The following RAB44 variants were observed in gnomAD, a reference collection of about 807,000 sequenced individuals.
RAB44 encodes the protein RAB44, member RAS oncogene family, also known as ras-related protein Rab-44.
In RAB44, 67 loss-of-function variants were observed where a neutral mutation model predicts 93.3. That is an observed-to-expected ratio of 0.72 (90% confidence interval 0.59 to 0.88). The LOEUF (loss-of-function observed/expected upper bound fraction) is 0.88, where lower values mean the gene tolerates loss of function less well. RAB44 is among the 40% of genes least tolerant of loss of function. RAB44 has a pLI of 0.00. For missense variants in RAB44, 1,064 were observed against 1,261.7 expected, an observed-to-expected ratio of 0.84 and a Z score of 2.37; for synonymous variants, 427 against 520.3, an observed-to-expected ratio of 0.82 and a Z score of 2.44.
intron 1 of RAB44, among the ~76,000 whole-genome samples, chr6:36,702,719 C>T (rs866563827): frequency 3.4e-4 from 51 of 152,200 alleles, no homozygotes; most frequent in African/African-American, 1.0e-3. Context: ...CCTTCTCATC[C>T]CATAGCTTTA....
chr6:36,730,627 G>A (rs1006048153), intron 12 of RAB44, 46 bp from the exon 13 acceptor site: 1 of 1,175,448 alleles, frequency 8.5e-7, no homozygotes, highest in Non-Finnish European at 1.1e-6. Flanking sequence ...TGGCCTTTCA[G>A]TTGTCTCTCC....
rs747107356 is a variant in RAB44, at chr6:36,715,667, G to A, written c.494+14G>A. On this transcript the variant is annotated intron_variant, in intron 4 of 13. Transcript: ENST00000612677. The stretch of plus-strand genomic sequence containing the variant: ...CTTACTTCCCAAGTAAGGCCAGGGC[G>A]GCATGTGCATGGGGAGAGGCTCTGC... The A allele has an allele frequency of 1.0e-5, 16 of 1,535,070 alleles. No homozygotes were observed. The highest frequency in any genetic ancestry group is 9.8e-5 in the East Asian group (4 of 40,902).
rs1762888504 is a variant in RAB44 at position 36,715,340 on chromosome 6, A to G, written c.320-139A>G. The G allele has an allele frequency of 8.0e-6, 6 of 753,544 alleles. No homozygotes were observed. The East Asian group carries it at 1.6e-4, about 20-fold the overall frequency. The allele number at this position is 753,544 out of a possible 1,614,324, so 46.7% of individuals were successfully genotyped here. A position where few individuals can be genotyped will look rare whatever the true frequency, so the allele number is the denominator to read the frequency against. On this transcript the variant is annotated intron_variant, in intron 3 of 13. Coordinates refer to ENST00000612677, the MANE Select transcript of RAB44 (RefSeq NM_001257357.2). ...TAGACTCCTAAGGTTGATATGAGAAATATGTGAATGTAGCCTTGTGTAAAT... is the reference window on the plus strand; with the variant it reads ...TAGACTCCTAAGGTTGATATGAGAAGTATGTGAATGTAGCCTTGTGTAAAT...
chr6:36,718,499 T>C lies in RAB44; in HGVS notation c.739T>C (p.Ser247Pro). The change falls in exon 7 of 14, where the codon TCT (serine) becomes CCT (proline). Residue 247 changes from serine to proline, a missense_variant. Transcript: ENST00000612677. Reference protein sequence around the residue: ...EKQQLQAESDSRGLALTSQMQ... With the variant: ...EKQQLQAESDPRGLALTSQMQ... ...GAATCTACCTACTCCACAGAGCGAC[T>C]CTCGGGGCCTGGCCCTCACCTCCCA... 8.1e-7 allele frequency: 1 copy of C among 1,231,824 alleles called. No individual in the cohort carries two copies. The highest frequency in any genetic ancestry group is 4.1e-5 in the South Asian group (1 of 24,306). 76.3% of individuals were successfully genotyped at this position (1,231,824 alleles called of 1,614,324 possible).
At chr6:36,704,572 G>A (rs1347024410) in intron 2 of RAB44, 130 bp downstream of exon 2, 29 of 794,988 alleles carry the variant, frequency 3.6e-5, no homozygotes, top group Non-Finnish European at 4.8e-5. Flanking sequence ...CTCAGAAAAC[G>A]CTAGGGATGT....
intron 2 of RAB44, among the ~76,000 whole-genome samples, chr6:36,711,679 A>G (rs1762790613): frequency 2.0e-5 from 3 of 152,218 alleles, no homozygotes; most frequent in Non-Finnish European, 2.9e-5. Flanking sequence ...AACTCCTTTA[A>G]GAGACATAGT....
chr6:36,730,994 G>A (rs1298515236), intron 13 of RAB44, among the ~76,000 whole-genome samples: 1 of 151,980 alleles, frequency 6.6e-6, no homozygotes, highest in African/African-American at 2.4e-5. Flanking sequence ...AGGCACTTAG[G>A]CTCTCTGAGC....
rs1763295764 is a variant in RAB44, at chr6:36,728,781, G to A, written c.2878G>A (p.Ala960Thr). The A allele has an allele frequency of 1.9e-6, 3 of 1,550,578 alleles. No individual in the cohort carries two copies. Among genetic ancestry groups the A allele is most frequent in the East Asian group, 4.9e-5 (2 of 40,918 alleles). Reference protein sequence around the residue: ...CEEERQVSVEAGQQLAQELGV... With the variant: ...CEEERQVSVETGQQLAQELGV... ...GGAGGAACGGCAAGTGTCCGTGGAAGCTGGGCAGCAACTGGCCCAGGTAAG... is the reference window on the plus strand; with the variant it reads ...GGAGGAACGGCAAGTGTCCGTGGAAACTGGGCAGCAACTGGCCCAGGTAAG... The change falls in exon 12 of 14, where the codon GCT becomes ACT. Residue 960 changes from alanine to threonine, a missense_variant. Coordinates refer to ENST00000612677, the MANE Select transcript of RAB44 (RefSeq NM_001257357.2).
At chr6:36,708,608 T>A (rs1562054432) in intron 2 of RAB44, among the ~76,000 whole-genome samples, 1 of 152,102 alleles carries the variant, frequency 6.6e-6, no homozygotes, top group African/African-American at 2.4e-5. Context: ...TATTTTGAAA[T>A]AAACATAGAA....
intron 8 of RAB44, 102 bp from the exon 9 acceptor site, chr6:36,721,049 T>G (rs2150336845): frequency 9.0e-7 from 1 of 1,113,594 alleles, no homozygotes; most frequent in Non-Finnish European, 1.1e-6. Context: ...GGAGGAGACC[T>G]GGCCATGGGG....
intron 1 of RAB44, among the ~76,000 whole-genome samples, chr6:36,702,592 C>G (rs1226011220): frequency 1.3e-5 from 2 of 152,238 alleles, no homozygotes; most frequent in Non-Finnish European, 2.9e-5. Flanking sequence ...CCTTACTATT[C>G]TGCCTCGATT....
Position 36,704,338 on chromosome 6 carries a change from C to T in RAB44, c.103C>T (p.Pro35Ser). 1 of 1,536,144 alleles carries T rather than the reference C, an allele frequency of 6.5e-7. No homozygotes were observed. The highest frequency in any genetic ancestry group is 1.2e-5 in the South Asian group (1 of 84,058). Reference sequence around the variant, plus strand: ...TGATGGTGAAGGCGCTGCAGTGGCCCCAGAGCCAGAGTCTTGGTCCTCTCA... The same window carrying T: ...TGATGGTGAAGGCGCTGCAGTGGCCTCAGAGCCAGAGTCTTGGTCCTCTCA... ...PADGEGAAVA[P>S]EPESWSSQAA... Residue 35 changes from proline (P) to serine (S), a missense_variant, in exon 2 of 14, where the codon CCA (proline) becomes TCA (serine). Coordinates refer to ENST00000612677, the MANE Select transcript of RAB44 (RefSeq NM_001257357.2).
At chr6:36,726,341 G>T (rs1257360025) in intron 10 of RAB44, among the ~76,000 whole-genome samples, 23 of 152,168 alleles carry the variant, frequency 1.5e-4, no homozygotes, top group Admixed American at 1.5e-3. Flanking sequence ...CACTTACCGG[G>T]TTCAAGCGAT....
In RAB44 at chr6:36,731,250, TCA is replaced by T. The variant is rs1212141240; in HGVS notation, c.2975+503_2975+504del. On this transcript the variant is annotated intron_variant, in intron 13 of 13. Transcript: ENST00000612677. The surrounding 1 kb of genome is among the most constrained non-coding windows in gnomAD (Gnocchi z 4.0). Reference sequence around the variant, plus strand: ...AGCCACTCAGAGACTCCCTCCCTGATCACCCACCTGCCATCACTATTTTGGAT... The same window carrying T: ...AGCCACTCAGAGACTCCCTCCCTGATCCCACCTGCCATCACTATTTTGGAT... 6.6e-6 allele frequency among the ~76,000 whole-genome samples: 1 copy of T among 151,984 alleles called. No homozygotes were observed. Among genetic ancestry groups the T allele is most frequent in the East Asian group, 1.9e-4 (1 of 5,176 alleles).
chr6:36,717,200 G>GT lies in RAB44; in HGVS notation c.495-72dup. 1 of 1,220,442 alleles carries GT rather than the reference G, an allele frequency of 8.2e-7. No homozygotes were observed. The highest frequency in any genetic ancestry group is 4.2e-5 in the South Asian group (1 of 23,588). 75.6% of individuals were successfully genotyped at this position (1,220,442 alleles called of 1,614,324 possible). On this transcript the variant is annotated intron_variant, in intron 4 of 13. Coordinates refer to ENST00000612677, the MANE Select transcript of RAB44 (RefSeq NM_001257357.2). This position sits in a 1 kb window ranked among gnomAD's most constrained non-coding sequence, Gnocchi z 4.1. Reference sequence around the variant, plus strand: ...GGAGCGCTGCAGTGAAAACTGAGGAGTGGGGCTCCCCTTGCTTCTCCATCC... The same window carrying GT: ...GGAGCGCTGCAGTGAAAACTGAGGAGTTGGGGCTCCCCTTGCTTCTCCATCC...
intron 1 of RAB44, among the ~76,000 whole-genome samples, 186 bp downstream of exon 1, chr6:36,698,101 G>C (rs1487001443): frequency 1.3e-5 from 2 of 152,140 alleles, no homozygotes; most frequent in African/African-American, 4.8e-5. Flanking sequence ...GCAAGAGGCT[G>C]GGGTACATCA....
chr6:36,720,697 A>T lies in RAB44; in HGVS notation c.1016+147A>T, dbSNP rs1319616561. The stretch of plus-strand genomic sequence containing the variant: ...CCCCACCCTCTGCCAAGCTGGAACT[A>T]TCACAACCATTTCTCAGATGAGGAA... On this transcript the variant is annotated intron_variant, in intron 8 of 13. Coordinates refer to ENST00000612677, the MANE Select transcript of RAB44 (RefSeq NM_001257357.2). 2.6e-5 allele frequency: 17 copies of T among 643,860 alleles called. No homozygotes were observed. In the African/African-American group the frequency reaches 3.2e-4, roughly 12 times the overall value. The allele number at this position is 643,860 out of a possible 1,614,324, so 39.9% of individuals were successfully genotyped here.
chr6:36,705,864 T>C (rs1445321596), intron 2 of RAB44, among the ~76,000 whole-genome samples: 1 of 152,016 alleles, frequency 6.6e-6, no homozygotes, highest in African/African-American at 2.4e-5. Flanking sequence ...GACGCTTTCA[T>C]ACAGAATCTT....
intron 3 of RAB44, among the ~76,000 whole-genome samples, chr6:36,714,254 G>T (rs1007757973): frequency 1.3e-4 from 20 of 152,226 alleles, no homozygotes; most frequent in African/African-American, 4.8e-4. Context: ...GAATTCCATG[G>T]GCCAGGGAGC....
Sources: gnomAD v4.1 joint callset for allele counts (sites outside exome capture counted in the v4.1 genomes callset) on GRCh38, gnomAD v4.1.1 for gene constraint, Gnocchi (gnomAD v3.1) non-coding constraint, MANE v1.5 for transcripts, NCBI Gene and HGNC (gene_info 2026-07-23, HGNC 2026-07-21) for gene names.